The following SPACA5 variants were observed in gnomAD, a reference collection of about 807,000 sequenced individuals.
The protein encoded by SPACA5 is sperm acrosome-associated protein 5.
chrX:48,006,275 G>A (rs2058995831), upstream of SPACA5, among the ~76,000 whole-genome samples: 1 of 113,900 alleles, frequency 8.8e-6, no homozygotes. Context: ...TGTGAGTGGA[G>A]TTTATGTGAG....
chrX:48,005,974 G>A (rs2058995035), upstream of SPACA5, among the ~76,000 whole-genome samples: 1 of 107,849 alleles, frequency 9.3e-6, no homozygotes, highest in Non-Finnish European at 1.9e-5. Context: ...CAGTGAACAG[G>A]AGATACATGG....
At chrX:48,006,563 G>A (rs1320642883), upstream of SPACA5, among the ~76,000 whole-genome samples, 4 of 110,650 alleles carry the variant, frequency 3.6e-5, no homozygotes, top group African/African-American at 1.3e-4. Context: ...GAACGTGGGT[G>A]CACAGGGATC....
At chrX:48,004,408 A>G (rs1475162094), upstream of SPACA5, 5 of 98,617 alleles carry the variant, frequency 5.1e-5, no homozygotes, top group African/African-American at 1.9e-4. Flanking sequence ...GCGTGCACAA[A>G]GAGTAGGAGG....
upstream of SPACA5, among the ~76,000 whole-genome samples, chrX:48,006,652 G>C (rs1296451598): frequency 1.0e-5 from 1 of 98,051 alleles, no homozygotes; most frequent in Admixed American, 1.1e-4. Context: ...GAGAGGGAAT[G>C]AAAGTGAAGA....
chrX:48,006,923 T>A (rs1227163008), upstream of SPACA5, among the ~76,000 whole-genome samples: 1 of 6,971 alleles, frequency 1.4e-4, no homozygotes, highest in Non-Finnish European at 1.3e-3. Flanking sequence ...AGAGTAAGAG[T>A]AAATGGAAAC....
At chrX:48,006,344 G>A (rs1311820889), upstream of SPACA5, among the ~76,000 whole-genome samples, 7 of 114,778 alleles carry the variant, frequency 6.1e-5, no homozygotes, top group Non-Finnish European at 1.1e-4. Flanking sequence ...TGAATGAAGA[G>A]AGGGGAATTT....
upstream of SPACA5, chrX:48,004,547 G>A (rs376967944): frequency 3.9e-3 from 217 of 55,395 alleles, 2 homozygotes; most frequent in African/African-American, 0.015. Context: ...CACACACACC[G>A]GGGGTGAAGG....
upstream of SPACA5, among the ~76,000 whole-genome samples, chrX:48,006,505 C>T (rs1158883134): frequency 2.6e-5 from 3 of 114,474 alleles, no homozygotes; most frequent in African/African-American, 9.5e-5. Flanking sequence ...AGAAGGATGA[C>T]TAGAGATGAC....
upstream of SPACA5, among the ~76,000 whole-genome samples, chrX:48,006,333 A>T (rs1282536071): frequency 8.7e-6 from 1 of 114,690 alleles, no homozygotes; most frequent in African/African-American, 3.2e-5. Context: ...GAGGCACAAG[A>T]TGAATGAAGA....
chrX:48,006,349 G>T (rs1300398879), upstream of SPACA5, among the ~76,000 whole-genome samples: 4 of 114,755 alleles, frequency 3.5e-5, no homozygotes, highest in Non-Finnish European at 7.5e-5. Flanking sequence ...GAAGAGAGGG[G>T]AATTTAGGGA....
At chrX:48,006,778 T>C (rs1408515379), upstream of SPACA5, among the ~76,000 whole-genome samples, 1 of 57,065 alleles carries the variant, frequency 1.8e-5, no homozygotes, top group Non-Finnish European at 3.4e-5. Flanking sequence ...AGTAACGAAT[T>C]TGAGGCACAG....
upstream of SPACA5, chrX:48,004,502 G>C (rs1556902438): frequency 1.4e-5 from 1 of 71,096 alleles, no homozygotes; most frequent in Non-Finnish European, 2.6e-5. Context: ...TCGGTATGCA[G>C]ACAAACAAGC....
upstream of SPACA5, among the ~76,000 whole-genome samples, chrX:48,006,677 A>G (rs2058997188): frequency 1.1e-5 from 1 of 93,993 alleles, no homozygotes; most frequent in Non-Finnish European, 2.1e-5. Context: ...AGGATGGGTG[A>G]ACGTGGGTAT....
chrX:48,005,814 A>AC (rs1401568701), upstream of SPACA5, among the ~76,000 whole-genome samples: 3 of 89,136 alleles, frequency 3.4e-5, no homozygotes, highest in African/African-American at 1.2e-4. Context: ...CCTTGGAGCT[A>AC]CCACACTAGC....
chrX:48,004,573 G>C (rs1296214402), upstream of SPACA5, among the ~76,000 whole-genome samples: 1 of 43,061 alleles, frequency 2.3e-5, no homozygotes, highest in Non-Finnish European at 4.2e-5. Flanking sequence ...ATTAAGTGGT[G>C]GCTAACAGGT....
upstream of SPACA5, among the ~76,000 whole-genome samples, chrX:48,006,375 TG>T (rs1409116233): frequency 8.7e-6 from 1 of 114,659 alleles, no homozygotes; most frequent in East Asian, 2.7e-4. Flanking sequence ...TAGGAGTGAA[TG>T]GGGGTAATGT....
At chrX:48,006,003 A>T, upstream of SPACA5, among the ~76,000 whole-genome samples, 1 of 105,458 alleles carries the variant, frequency 9.5e-6, no homozygotes, top group Non-Finnish European at 2.0e-5. Flanking sequence ...GGTGAGGGGC[A>T]TGAATAATGG....
upstream of SPACA5, chrX:48,004,373 G>A (rs1475758410): frequency 9.5e-6 from 1 of 105,256 alleles, no homozygotes; most frequent in African/African-American, 3.5e-5. Context: ...TAACGGGAAG[G>A]CGGGATGCGT....
upstream of SPACA5, chrX:48,004,430 C>T (rs782284540): frequency 5.2e-4 from 48 of 92,962 alleles, no homozygotes; most frequent in African/African-American, 1.5e-3. Flanking sequence ...AGGGAAAAGC[C>T]ACTGGCTTCA....
Sources: allele counts gnomAD v4.1 joint callset (sites outside exome capture counted in the v4.1 genomes callset), GRCh38; gene constraint gnomAD v4.1.1; transcripts MANE v1.5; gene names NCBI Gene and HGNC (gene_info 2026-07-23, HGNC 2026-07-21).